Variants in PTPRC observed in about 807,000 individuals in gnomAD.
PTPRC encodes receptor-type tyrosine-protein phosphatase C.
Under a neutral mutation model 155.9 loss-of-function variants are expected in PTPRC, and 44 were observed. The observed-to-expected ratio is 0.28, with a 90% CI of 0.22 to 0.36. The LOEUF (loss-of-function observed/expected upper bound fraction) is 0.36, where lower values mean the gene tolerates loss of function less well. PTPRC is among the 10% of genes least tolerant of loss of function. The pLI, the probability that PTPRC is intolerant of heterozygous loss-of-function variation, is 1.00. For missense variants in PTPRC, 1,401 were observed against 1,564.6 expected (o/e 0.90, Z 1.76); for synonymous variants, 525 against 533.1 (o/e 0.98, Z 0.21).
intron 2 of PTPRC, among the ~76,000 whole-genome samples, chr1:198,677,442 C>T (rs1179223077): frequency 2.0e-5 from 3 of 151,958 alleles, no homozygotes; most frequent in African/African-American, 7.3e-5. Context: ...GTACTAGATT[C>T]TCAATGTTGG....
At chr1:198,697,043 C>T in intron 4 of PTPRC, 134 bp downstream of exon 4, 1 of 861,646 alleles carries the variant, frequency 1.2e-6, no homozygotes, top group Non-Finnish European at 1.9e-6. Flanking sequence ...GCAGAAATTG[C>T]AGGAAATTAG....
At chr1:198,674,453 T>C (rs894959043) in intron 2 of PTPRC, among the ~76,000 whole-genome samples, 10 of 150,876 alleles carry the variant, frequency 6.6e-5, no homozygotes, top group Non-Finnish European at 4.4e-5. Flanking sequence ...ATTGCCTTTT[T>C]AGTAATGGTA....
intron 32 of PTPRC, among the ~76,000 whole-genome samples, chr1:198,754,753 A>AAAT (rs1298511058): frequency 6.6e-6 from 1 of 152,080 alleles, no homozygotes; most frequent in African/African-American, 2.4e-5. Flanking sequence ...GAGCCTAAAC[A>AAAT]AATAACATTT....
Position 198,722,492 on chromosome 1 carries a change from GC to G in PTPRC, c.1720+17del, listed in dbSNP as rs1396766300. On this transcript the variant is annotated intron_variant, in intron 15 of 32. Transcript: ENST00000442510. ...TCAACATCTTGTAAGTTATCACTGG[GC>G]TATTTATTATATATATTAAGATATA... 1 of 1,386,338 alleles carries G rather than the reference GC, an allele frequency of 7.2e-7. No homozygotes were observed. The highest frequency in any genetic ancestry group is 1.5e-5 in the African/African-American group (1 of 67,924). The allele number at this position is 1,386,338 out of a possible 1,614,324, so 85.9% of individuals were successfully genotyped here. A position where few individuals can be genotyped will look rare whatever the true frequency, so the allele number is the denominator to read the frequency against.
chr1:198,702,289 C>T (rs1446473924), intron 5 of PTPRC, 98 bp from the exon 6 acceptor site: 20 of 1,490,314 alleles, frequency 1.3e-5, no homozygotes, highest in Non-Finnish European at 1.8e-5. Context: ...ATTTGTTTCT[C>T]TGCCTTATCT....
In PTPRC at chr1:198,722,407, G is replaced by A; in HGVS notation, c.1660-9G>A. The A allele has an allele frequency of 2.8e-6, 4 of 1,414,244 alleles. No homozygotes were observed. In the South Asian group the frequency reaches 7.0e-5, roughly 25 times the overall value. The allele number at this position is 1,414,244 out of a possible 1,614,324, so 87.6% of individuals were successfully genotyped here. A position where few individuals can be genotyped will look rare whatever the true frequency, so the allele number is the denominator to read the frequency against. On this transcript the variant is annotated splice_polypyrimidine_tract_variant and intron_variant, in intron 14 of 32. Coordinates refer to ENST00000442510, the MANE Select transcript of PTPRC (RefSeq NM_002838.5). ...ACTAATTATTTTATTTTTTGTTACT[G>A]AAATTCAGGCCTATTTTCACAATGG...
intron 2 of PTPRC, among the ~76,000 whole-genome samples, chr1:198,669,877 C>T (rs1664545008): frequency 6.6e-6 from 1 of 152,120 alleles, no homozygotes; most frequent in African/African-American, 2.4e-5. Context: ...TTATTACTCT[C>T]ATCATTATGA....
intron 2 of PTPRC, among the ~76,000 whole-genome samples, chr1:198,668,904 G>T (rs375220530): frequency 3.0e-4 from 45 of 151,948 alleles, no homozygotes; most frequent in African/African-American, 1.0e-3. Flanking sequence ...CATGGAAGCA[G>T]CAATAAGACC....
chr1:198,698,383 A>T (rs933112215), intron 4 of PTPRC, among the ~76,000 whole-genome samples: 1 of 152,180 alleles, frequency 6.6e-6, no homozygotes, highest in African/African-American at 2.4e-5. Context: ...CTAGAAAATA[A>T]TCTTTTCATC....
Position 198,718,211 on chromosome 1 carries a change from A to T in PTPRC, c.1568A>T (p.Glu523Val), listed in dbSNP as rs116464756. 4.6e-4 allele frequency: 736 copies of T among 1,614,138 alleles called. 2 individuals carry two copies. The African/African-American group carries it at 9.0e-3, about 20-fold the overall frequency. The change falls in exon 14 of 33, where the codon GAA (glutamate) becomes GTA (valine). Residue 523 changes from glutamate (E) to valine (V), a missense_variant. Glu to Val is a moderately radical substitution (Grantham distance 121). Around this residue, in one of 3 missense-constraint regions of PTPRC, gnomAD observed 867 missense variants for 970.4 expected, o/e 0.89. Transcript: ENST00000442510. ...CATGAACGTTACCATTTGGAAGTTG[A>T]AGCTGGAAATACTCTGGTTAGAAAT... is the stretch of plus-strand genomic sequence containing the variant. ...GPHERYHLEV[E>V]AGNTLVRNES...
intron 2 of PTPRC, among the ~76,000 whole-genome samples, chr1:198,645,728 T>G (rs1033885333): frequency 6.6e-6 from 1 of 151,812 alleles, no homozygotes; most frequent in Non-Finnish European, 1.5e-5. Context: ...TAGTTTAAGG[T>G]TAAGTGATAG....
intron 11 of PTPRC, among the ~76,000 whole-genome samples, chr1:198,712,294 T>C (rs1223891913): frequency 6.6e-6 from 1 of 152,212 alleles, no homozygotes; most frequent in Non-Finnish European, 1.5e-5. Context: ...ACAAACTTAA[T>C]CTGTAGTTAA....
chr1:198,652,924 G>A (rs1663335125), intron 2 of PTPRC, among the ~76,000 whole-genome samples: 2 of 151,788 alleles, frequency 1.3e-5, no homozygotes, highest in African/African-American at 2.4e-5. Context: ...AAGATCAAAG[G>A]CAAGTGGAAC....
rs1571866378 is a variant in PTPRC at position 198,718,197 on chromosome 1, C to T, written c.1554C>T (p.Tyr518=). Residue 518 remains tyrosine, a synonymous_variant, in exon 14 of 33, where the codon TAC becomes TAT. Coordinates refer to ENST00000442510, the MANE Select transcript of PTPRC (RefSeq NM_002838.5). The part of the protein sequence containing the change: ...PRDRNGPHER[Y]HLEVEAGNTL... ...ACCGTAATGGCCCCCATGAACGTTA[C>T]CATTTGGAAGTTGAAGCTGGAAATA... 1 of 1,613,864 alleles carries T rather than the reference C, an allele frequency of 6.2e-7. No individual in the cohort carries two copies. Among genetic ancestry groups the T allele is most frequent in the Non-Finnish European group, 8.5e-7 (1 of 1,179,864 alleles).
chr1:198,750,719 C>CT (rs1388918431), intron 29 of PTPRC, 93 bp downstream of exon 29: 16 of 1,466,094 alleles, frequency 1.1e-5, no homozygotes, highest in Non-Finnish European at 1.3e-5. Context: ...ATACCCACGT[C>CT]TTTTTTTATC....
chr1:198,679,195 C>A, intron 2 of PTPRC: 5 of 203,732 alleles, frequency 2.5e-5, no homozygotes, highest in Non-Finnish European at 4.2e-5. Flanking sequence ...AGCCTGGTAA[C>A]GCTTTCTGGC....
intron 13 of PTPRC, among the ~76,000 whole-genome samples, chr1:198,717,252 A>G (rs1193056095): frequency 6.6e-6 from 1 of 152,240 alleles, no homozygotes; most frequent in Non-Finnish European, 1.5e-5. Flanking sequence ...CATTTCATAA[A>G]ATGTAATATT....
intron 2 of PTPRC, among the ~76,000 whole-genome samples, chr1:198,648,001 T>G (rs774619171): frequency 8.6e-5 from 13 of 151,832 alleles, no homozygotes; most frequent in Non-Finnish European, 1.8e-4. Flanking sequence ...AATTATAAAT[T>G]TAAAAATCAC....
chr1:198,679,996 TC>T (rs1324790318), intron 2 of PTPRC: 2 of 611,640 alleles, frequency 3.3e-6, no homozygotes, highest in Non-Finnish European at 5.9e-6. Flanking sequence ...CCCGTCCACT[TC>T]CTGCAGGCTC....
Sources: gnomAD v4.1 joint callset for allele counts (sites outside exome capture counted in the v4.1 genomes callset) on GRCh38, gnomAD v4.1.1 for gene constraint, gnomAD v4.1.1 regional missense constraint, MANE v1.5 for transcripts, NCBI Gene and HGNC (gene_info 2026-07-23, HGNC 2026-07-21) for gene names.